RCAN2: variants seen among roughly 807,000 people sequenced by gnomAD.
The protein encoded by RCAN2 is regulator of calcineurin 2, also known as calcipressin-2.
A neutral mutation model predicts 23.6 loss-of-function variants in RCAN2; 9 were observed. The ratio of observed to expected loss-of-function variants is 0.38; its 90% CI spans 0.23 to 0.67. The LOEUF (loss-of-function observed/expected upper bound fraction) is 0.67. RCAN2 is among the 30% of genes least tolerant of loss of function. The probability of loss-of-function intolerance (pLI) is 0.51; values close to 1 mark genes in which losing one functional copy is unlikely to be tolerated. For missense variants in RCAN2, 273 were observed against 302.3 expected (o/e 0.90, Z 0.72); for synonymous variants, 109 against 115.7 (o/e 0.94, Z 0.37).
intron 3 of RCAN2, 67 bp downstream of exon 3, chr6:46,248,656 T>C: frequency 7.6e-7 from 1 of 1,311,712 alleles, no homozygotes; most frequent in Non-Finnish European, 1.0e-6. Context: ...AGGGCTTCAT[T>C]TACATTTTAA....
chr6:46,457,075 GA>G, intron 1 of RCAN2, 97 bp from the exon 2 acceptor site: 1 of 761,884 alleles, frequency 1.3e-6, no homozygotes, highest in East Asian at 2.7e-5. Flanking sequence ...CAGAACAGTG[GA>G]GTACGATTAG....
intron 2 of RCAN2, among the ~76,000 whole-genome samples, chr6:46,288,447 A>T (rs778404224): frequency 2.6e-5 from 4 of 152,196 alleles, no homozygotes; most frequent in Non-Finnish European, 4.4e-5. Flanking sequence ...GCAGATCTTG[A>T]GTTCACCCAC....
At chr6:46,423,683 G>A (rs998639861) in intron 2 of RCAN2, among the ~76,000 whole-genome samples, 1 of 152,024 alleles carries the variant, frequency 6.6e-6, no homozygotes, top group Admixed American at 6.6e-5. Flanking sequence ...TTTTTATTGT[G>A]ATCTGATTAT....
At chr6:46,455,443 T>C (rs1229799077) in intron 2 of RCAN2, among the ~76,000 whole-genome samples, 1 of 152,064 alleles carries the variant, frequency 6.6e-6, no homozygotes, top group Non-Finnish European at 1.5e-5. Flanking sequence ...AAATCAGACT[T>C]CCAGTAATTA....
intron 2 of RCAN2, among the ~76,000 whole-genome samples, chr6:46,279,665 A>T (rs568014462): frequency 6.6e-6 from 1 of 152,210 alleles, no homozygotes. Context: ...AGTATGGTAT[A>T]TATGTGGCTA....
chr6:46,330,898 G>T (rs1763946144), intron 2 of RCAN2, among the ~76,000 whole-genome samples: 1 of 152,150 alleles, frequency 6.6e-6, no homozygotes, highest in Non-Finnish European at 1.5e-5. Context: ...TTTAGATCCA[G>T]ATGCTTAAGG....
At chr6:46,347,127 G>A (rs968374787) in intron 2 of RCAN2, among the ~76,000 whole-genome samples, 1 of 151,996 alleles carries the variant, frequency 6.6e-6, no homozygotes, top group Non-Finnish European at 1.5e-5. Context: ...CACCTGCCTC[G>A]GCCTCCCAAA....
At chr6:46,408,651 G>A (rs576575630) in intron 2 of RCAN2, among the ~76,000 whole-genome samples, 6 of 152,256 alleles carry the variant, frequency 3.9e-5, no homozygotes, top group African/African-American at 9.6e-5. Context: ...AAGGAACCCA[G>A]CTCCTTGGCC....
chr6:46,341,172 C>A (rs1209309031), intron 2 of RCAN2, among the ~76,000 whole-genome samples: 1 of 152,140 alleles, frequency 6.6e-6, no homozygotes, highest in African/African-American at 2.4e-5. Flanking sequence ...ATCTCTGAAT[C>A]TTGTCAAGCT....
At chr6:46,442,571 G>T (rs1053499385) in intron 2 of RCAN2, among the ~76,000 whole-genome samples, 6 of 152,138 alleles carry the variant, frequency 3.9e-5, no homozygotes, top group African/African-American at 1.4e-4. Context: ...ACCATATGAA[G>T]TGGGTTCCAA....
chr6:46,339,505 T>C (rs1764238543), intron 2 of RCAN2, among the ~76,000 whole-genome samples: 1 of 152,002 alleles, frequency 6.6e-6, no homozygotes, highest in African/African-American at 2.4e-5. Flanking sequence ...CCCAATATTG[T>C]TGGGCTGCCC....
chr6:46,457,795 T>C (rs1182276641), intron 1 of RCAN2, among the ~76,000 whole-genome samples: 1 of 152,224 alleles, frequency 6.6e-6, no homozygotes, highest in African/African-American at 2.4e-5. Flanking sequence ...TCCCCGTCCC[T>C]CCTTGCCTTG....
intron 2 of RCAN2, among the ~76,000 whole-genome samples, chr6:46,403,906 G>A (rs1582174225): frequency 6.6e-6 from 1 of 152,136 alleles, no homozygotes; most frequent in Admixed American, 6.5e-5. Flanking sequence ...GTCATAAGAG[G>A]TGGGGTGGAA....
intron 2 of RCAN2, among the ~76,000 whole-genome samples, chr6:46,259,728 A>G (rs1335122779): frequency 6.6e-6 from 1 of 152,078 alleles, no homozygotes; most frequent in African/African-American, 2.4e-5. Flanking sequence ...TTGGACACCA[A>G]TTGCACGTCC....
At chr6:46,296,692 GCTT>G (rs780606988) in intron 2 of RCAN2, among the ~76,000 whole-genome samples, 18 of 152,034 alleles carry the variant, frequency 1.2e-4, no homozygotes, top group Non-Finnish European at 2.2e-4. Context: ...CCACCATTTA[GCTT>G]CTTATTTGTA....
At chr6:46,469,288 G>A (rs749361421) in intron 1 of RCAN2, among the ~76,000 whole-genome samples, 5 of 152,164 alleles carry the variant, frequency 3.3e-5, no homozygotes. Flanking sequence ...CTAGTGCCAT[G>A]TGTTGTTTAC....
At chr6:46,315,096 C>A (rs1763392828) in intron 2 of RCAN2, among the ~76,000 whole-genome samples, 1 of 152,218 alleles carries the variant, frequency 6.6e-6, no homozygotes, top group African/African-American at 2.4e-5. Context: ...ATTACTCTGT[C>A]TGAATGCTTA....
chr6:46,331,130 T>C (rs1459611094), intron 2 of RCAN2, among the ~76,000 whole-genome samples: 1 of 152,204 alleles, frequency 6.6e-6, no homozygotes, highest in Non-Finnish European at 1.5e-5. Flanking sequence ...ATTTAGTTAC[T>C]TTGAGCCATG....
intron 2 of RCAN2, among the ~76,000 whole-genome samples, chr6:46,310,441 T>C (rs2150356182): frequency 6.6e-6 from 1 of 152,254 alleles, no homozygotes; most frequent in South Asian, 2.1e-4. Context: ...GCTCAGACCT[T>C]CTATTCTACA....
Sources: allele counts gnomAD v4.1 joint callset (sites outside exome capture counted in the v4.1 genomes callset), GRCh38; gene constraint gnomAD v4.1.1; transcripts MANE v1.5; gene names NCBI Gene and HGNC (gene_info 2026-07-23, HGNC 2026-07-21).